SLC25A37: variants seen among roughly 807,000 people sequenced by gnomAD.
SLC25A37 encodes solute carrier family 25 member 37, also known as mitoferrin-1.
SLC25A37 carries 17 observed loss-of-function variants against 31.0 expected under a neutral mutation model. That is an observed-to-expected ratio of 0.55 (90% CI 0.38 to 0.82). The LOEUF (loss-of-function observed/expected upper bound fraction) is 0.82, where lower values mean the gene tolerates loss of function less well. Among genes scored for constraint, SLC25A37 ranks in the 40% least tolerant of loss-of-function variants. The pLI, the probability that SLC25A37 is intolerant of heterozygous loss-of-function variation, is 0.00. For synonymous variants in SLC25A37, 222 were observed against 193.0 expected, an observed-to-expected ratio of 1.15 and a Z score of -1.24; for missense variants, 404 against 465.8, an observed-to-expected ratio of 0.87 and a Z score of 1.22.
rs1198970589 is a variant in SLC25A37 at position 23,571,696 on chromosome 8, C to A, written c.858C>A (p.Phe286Leu). 1.1e-5 allele frequency: 17 copies of A among 1,613,908 alleles called. No homozygotes were observed. Among genetic ancestry groups the A allele is most frequent in the Non-Finnish European group, 1.1e-5 (13 of 1,179,914 alleles). Residue 286 changes from phenylalanine (F) to leucine (L), a missense_variant, in exon 4 of 4, where the codon TTC becomes TTA. Phe to Leu is a conservative substitution (Grantham distance 22). Around this residue, in one of 3 missense-constraint regions of SLC25A37, gnomAD observed 243 missense variants for 284.4 expected, o/e 0.85. Transcript: ENST00000519973. ...GGCTGTCGGGTATGGCCAATGCCTT[C>A]CGGACGGTGTACCAGCTCAACGGCC... ...SGRLSGMANA[F>L]RTVYQLNGLA...
At chr8:23,531,602 C>T (rs537251175) in intron 1 of SLC25A37, 1 of 152,272 alleles carries the variant, frequency 6.6e-6, no homozygotes, top group South Asian at 2.1e-4. Context: ...AAGCTTTCTC[C>T]AGTTTTGAAA....
In SLC25A37 at chr8:23,529,174, C is replaced by G. The variant is rs765690579; in HGVS notation, c.172C>G (p.Leu58Val). 1.2e-6 allele frequency: 2 copies of G among 1,611,366 alleles called. No homozygotes were observed. The part of the protein sequence containing the change: ...HMTAGAMAGI[L>V]EHSVMYPVDS... ...GACAGCAGGAGCGATGGCCGGGATC[C>G]TGGAGCACTCGGTCATGTACCCGGT... The change falls in exon 1 of 4, where the codon CTG (leucine) becomes GTG (valine). Residue 58 changes from leucine to valine, a missense_variant. Physicochemically the swap from Leu to Val is conservative, Grantham distance 32. This residue lies in a region of SLC25A37 where 154 missense variants were observed against 153.6 expected (regional missense o/e 1.00). Transcript: ENST00000519973. The surrounding 1 kb of genome is among the most constrained non-coding windows in gnomAD (Gnocchi z 4.1).
chr8:23,538,536 T>TGC (rs1801823678), intron 1 of SLC25A37, among the ~76,000 whole-genome samples: 1 of 150,872 alleles, frequency 6.6e-6, no homozygotes, highest in African/African-American at 2.5e-5. Flanking sequence ...TGTGTGTGTG[T>TGC]GTGTGTGTGT....
At chr8:23,547,410 C>T (rs974291231) in intron 1 of SLC25A37, among the ~76,000 whole-genome samples, 2 of 152,154 alleles carry the variant, frequency 1.3e-5, no homozygotes, top group African/African-American at 4.8e-5. Flanking sequence ...TTGAGATGAC[C>T]AGGGGCCCAC....
In SLC25A37 at chr8:23,545,513, C is replaced by T. The variant is rs528954598; in HGVS notation, c.210+16301C>T. Among the ~76,000 whole-genome samples, 8 of 152,330 alleles carry T rather than the reference C, an allele frequency of 5.3e-5. No homozygotes were observed. The East Asian group carries it at 7.7e-4, about 15-fold the overall frequency. Reference sequence around the variant, plus strand: ...GTCCTGTTTCTCCAACAGGCCAGTGCGGTGACGGGCACAGACCTGCTGTCC... The same window carrying T: ...GTCCTGTTTCTCCAACAGGCCAGTGTGGTGACGGGCACAGACCTGCTGTCC... On this transcript the variant is annotated intron_variant, in intron 1 of 3. Transcript: ENST00000519973.
At chr8:23,557,922 G>A (rs573069702) in intron 1 of SLC25A37, among the ~76,000 whole-genome samples, 2 of 152,310 alleles carry the variant, frequency 1.3e-5, no homozygotes, top group East Asian at 3.9e-4. Flanking sequence ...CTTTCTCTGG[G>A]AGAAAGTCTG....
Position 23,573,051 on chromosome 8 carries a change from AG to A in SLC25A37, c.*1197del, listed in dbSNP as rs1377379051. The A allele has an allele frequency of 6.6e-6, 1 of 152,234 alleles. No individual in the cohort carries two copies. Among genetic ancestry groups the A allele is most frequent in the East Asian group, 1.9e-4 (1 of 5,192 alleles). 9.4% of individuals were successfully genotyped at this position (152,234 alleles called of 1,614,324 possible). On this transcript the variant is annotated 3_prime_UTR_variant, in exon 4 of 4. Coordinates refer to ENST00000519973, the MANE Select transcript of SLC25A37 (RefSeq NM_016612.4). ...TCTCATCTCCTGTGTTTCCCTGTGC[AG>A]TCTAGGGAAGCATGTCTCCAGTCTT...
intron 1 of SLC25A37, among the ~76,000 whole-genome samples, chr8:23,565,296 T>C (rs1327502862): frequency 2.6e-5 from 4 of 152,234 alleles, no homozygotes; most frequent in African/African-American, 9.6e-5. Context: ...GGCTGACCCA[T>C]AAAATTAACC....
chr8:23,552,812 C>G (rs2928672), intron 1 of SLC25A37, among the ~76,000 whole-genome samples: 1 of 151,930 alleles, frequency 6.6e-6, no homozygotes, highest in Admixed American at 6.6e-5. Flanking sequence ...GGAGCCCGGG[C>G]AAGTCTAACT....
Position 23,572,018 on chromosome 8 carries a change from G to A in SLC25A37, c.*163G>A, listed in dbSNP as rs1270295100. 2.6e-6 allele frequency: 2 copies of A among 770,126 alleles called. No individual in the cohort carries two copies. The highest frequency in any genetic ancestry group is 1.8e-5 in the African/African-American group (1 of 56,556). The allele number at this position is 770,126 out of a possible 1,614,324, so 47.7% of individuals were successfully genotyped here. ...GGAGGGGACGGCACGGCCGCTCACC[G>A]GAAGGCTGTGTGCGGGGACATCCGA... On this transcript the variant is annotated 3_prime_UTR_variant, in exon 4 of 4. Transcript: ENST00000519973.
At chr8:23,568,984 G>C (rs1802745132) in intron 3 of SLC25A37, 1 of 152,406 alleles carries the variant, frequency 6.6e-6, no homozygotes, top group Non-Finnish European at 1.4e-5. Context: ...GCTAATTCTG[G>C]CCGGCATGGT....
At chr8:23,541,378 A>G (rs1474368323) in intron 1 of SLC25A37, 1 of 152,358 alleles carries the variant, frequency 6.6e-6, no homozygotes, top group Non-Finnish European at 1.5e-5. Flanking sequence ...AGGAGCAGGA[A>G]GGTGACTAAT....
intron 1 of SLC25A37, among the ~76,000 whole-genome samples, chr8:23,547,272 A>G (rs2280861): frequency 0.36 from 54,033 of 151,892 alleles, 10,767 homozygotes; most frequent in East Asian, 0.61. Context: ...TCCAGAACCA[A>G]CCATTCATGG....
In SLC25A37 at chr8:23,566,093, C is replaced by T. The variant is rs1271526869; in HGVS notation, c.211-15C>T. 4 of 1,561,106 alleles carry T rather than the reference C, an allele frequency of 2.6e-6. No homozygotes were observed. The highest frequency in any genetic ancestry group is 3.4e-6 in the Non-Finnish European group (4 of 1,162,518). On this transcript the variant is annotated splice_polypyrimidine_tract_variant and intron_variant, in intron 1 of 3. Transcript: ENST00000519973. The stretch of plus-strand genomic sequence containing the variant: ...ACTCTATTTTTGTTTGTTTTCTCTT[C>T]TTGCCCGCTCCCAGACACGAATGCA...
chr8:23,543,819 A>T (rs1383233370), intron 1 of SLC25A37, among the ~76,000 whole-genome samples: 3 of 147,620 alleles, frequency 2.0e-5, no homozygotes, highest in African/African-American at 7.7e-5. Flanking sequence ...TACAGGCGTG[A>T]GCCACTGCGC....
chr8:23,536,445 C>T (rs1455991968), intron 1 of SLC25A37, among the ~76,000 whole-genome samples: 1 of 152,170 alleles, frequency 6.6e-6, no homozygotes, highest in Non-Finnish European at 1.5e-5. Flanking sequence ...TGCCTCTGTT[C>T]CTGCCAGGGG....
rs1279593874 is a variant in SLC25A37 at position 23,566,075 on chromosome 8, T to C, written c.211-33T>C. ...TCTTTACCATCCTGATTAACTCTAT[T>C]TTTGTTTGTTTTCTCTTCTTGCCCG... On this transcript the variant is annotated intron_variant, in intron 1 of 3. Coordinates refer to ENST00000519973, the MANE Select transcript of SLC25A37 (RefSeq NM_016612.4). 5.2e-6 allele frequency: 8 copies of C among 1,546,624 alleles called. No individual in the cohort carries two copies. In the East Asian group the frequency reaches 1.9e-4, roughly 37 times the overall value.
At chr8:23,549,066 G>T (rs1802151390) in intron 1 of SLC25A37, among the ~76,000 whole-genome samples, 1 of 152,152 alleles carries the variant, frequency 6.6e-6, no homozygotes, top group African/African-American at 2.4e-5. Flanking sequence ...GGCATTTAGA[G>T]TTTGGAATTT....
rs760249062 is a variant in SLC25A37, at chr8:23,571,683, T to C, written c.845T>C (p.Met282Thr). 8.1e-6 allele frequency: 13 copies of C among 1,614,002 alleles called. No homozygotes were observed. The highest frequency in any genetic ancestry group is 1.1e-5 in the Non-Finnish European group (13 of 1,179,894). The change falls in exon 4 of 4, where the codon ATG becomes ACG. Residue 282 changes from methionine to threonine, a missense_variant. Physicochemically the swap from Met to Thr is moderately conservative, Grantham distance 81. Around this residue, in one of 3 missense-constraint regions of SLC25A37, gnomAD observed 243 missense variants for 284.4 expected, o/e 0.85. Coordinates refer to ENST00000519973, the MANE Select transcript of SLC25A37 (RefSeq NM_016612.4). ...LANISGRLSG[M>T]ANAFRTVYQL... ...AACATCAGCGGCCGGCTGTCGGGTA[T>C]GGCCAATGCCTTCCGGACGGTGTAC...
Sources: allele counts gnomAD v4.1 joint callset (sites outside exome capture counted in the v4.1 genomes callset), GRCh38; gene constraint gnomAD v4.1.1; regional missense constraint gnomAD v4.1.1; non-coding constraint Gnocchi (gnomAD v3.1); transcripts MANE v1.5; gene names NCBI Gene and HGNC (gene_info 2026-07-23, HGNC 2026-07-21).